The following ANXA8 variants were observed in gnomAD, a reference collection of about 807,000 sequenced individuals.
ANXA8 encodes the protein VAC-beta.
Under a neutral mutation model 26.8 loss-of-function variants are expected in ANXA8, and 9 were observed. The observed-to-expected ratio is 0.34, with a 90% CI of 0.20 to 0.59. The LOEUF (loss-of-function observed/expected upper bound fraction) is 0.59. Among genes scored for constraint, ANXA8 ranks in the 20% least tolerant of loss-of-function variants. The probability of loss-of-function intolerance (pLI) is 0.84; values close to 1 mark genes in which losing one functional copy is unlikely to be tolerated. For missense variants in ANXA8, 83 were observed against 238.5 expected, an observed-to-expected ratio of 0.35 and a Z score of 4.29; for synonymous variants, 39 against 94.8, an observed-to-expected ratio of 0.41 and a Z score of 3.42.
chr10:47,746,570 C>T, the ANXA8 span, among the ~76,000 whole-genome samples: 7 of 73,704 alleles, frequency 9.5e-5, no homozygotes, highest in Non-Finnish European at 1.3e-4. Context: ...CCCAGCTACT[C>T]AGGAGACTGA....
intron 6 of ANXA8, 48 bp from the exon 7 acceptor site, chr10:47,475,052 C>A: frequency 6.5e-7 from 1 of 1,528,382 alleles, no homozygotes; most frequent in South Asian, 1.2e-5. Context: ...CTGACCAGAG[C>A]ATTAAGGGCA....
chr10:47,650,624 G>A, the ANXA8 span, among the ~76,000 whole-genome samples: 1 of 144,632 alleles, frequency 6.9e-6, no homozygotes, highest in Non-Finnish European at 1.5e-5. Context: ...GGCTAACATG[G>A]TGAAACCCCG....
the ANXA8 span, among the ~76,000 whole-genome samples, chr10:47,982,421 T>G: frequency 6.7e-6 from 1 of 150,168 alleles, no homozygotes; most frequent in African/African-American, 2.4e-5. Context: ...AACCTTCACA[T>G]TTATGGTTAA....
the ANXA8 span, among the ~76,000 whole-genome samples, chr10:47,743,390 G>GTA: frequency 1.3e-5 from 1 of 77,844 alleles, no homozygotes; most frequent in African/African-American, 4.3e-5. Flanking sequence ...GTGTGTGTGT[G>GTA]TGTGTGTGTG....
chr10:47,570,640 A>G, the ANXA8 span, among the ~76,000 whole-genome samples: 2 of 150,206 alleles, frequency 1.3e-5, no homozygotes, highest in African/African-American at 5.0e-5. Flanking sequence ...ATGTTATCCA[A>G]GCGTGATGGT....
chr10:47,701,701 C>CCAGAAA, the ANXA8 span, among the ~76,000 whole-genome samples: 6 of 151,442 alleles, frequency 4.0e-5, no homozygotes, highest in African/African-American at 1.5e-4. Flanking sequence ...GAAGGATAAA[C>CCAGAAA]CAGAAACTAA....
At chr10:47,966,103 T>G in the ANXA8 span, among the ~76,000 whole-genome samples, 1 of 139,120 alleles carries the variant, frequency 7.2e-6, no homozygotes, top group Non-Finnish European at 1.6e-5. Context: ...AGTGGGAGAG[T>G]GAGAAGCCCC....
chr10:47,669,602 C>A, the ANXA8 span, among the ~76,000 whole-genome samples: 1 of 151,642 alleles, frequency 6.6e-6, no homozygotes, highest in African/African-American at 2.4e-5. Context: ...GTGGTCCCAG[C>A]TACTTGGGAG....
At chr10:47,941,854 T>A in the ANXA8 span, among the ~76,000 whole-genome samples, 2 of 147,518 alleles carry the variant, frequency 1.4e-5, 1 homozygote, top group African/African-American at 5.2e-5. Context: ...GTGGAGAAGC[T>A]CAGAGCTGAC....
At chr10:47,907,172 G>A in the ANXA8 span, among the ~76,000 whole-genome samples, 16 of 151,760 alleles carry the variant, frequency 1.1e-4, 1 homozygote, top group African/African-American at 3.1e-4. Flanking sequence ...TGGCTAACAC[G>A]GTGAAACCCC....
At chr10:47,916,558 A>G in the ANXA8 span, among the ~76,000 whole-genome samples, 14 of 130,530 alleles carry the variant, frequency 1.1e-4, no homozygotes, top group African/African-American at 3.4e-4. Context: ...AAGACACTCT[A>G]CTTCTTTGAG....
At chr10:47,561,530 C>A in the ANXA8 span, among the ~76,000 whole-genome samples, 1 of 151,900 alleles carries the variant, frequency 6.6e-6, no homozygotes, top group Non-Finnish European at 1.5e-5. Context: ...TCACCCCCAT[C>A]CCCAATGTTG....
At chr10:47,918,371 G>GAAA in the ANXA8 span, among the ~76,000 whole-genome samples, 9 of 18,788 alleles carry the variant, frequency 4.8e-4, no homozygotes, top group African/African-American at 1.8e-3. Flanking sequence ...GAGAGAGAGA[G>GAAA]AGAGAGAGAG....
chr10:47,686,452 T>C, the ANXA8 span, among the ~76,000 whole-genome samples: 1 of 151,836 alleles, frequency 6.6e-6, no homozygotes, highest in Non-Finnish European at 1.5e-5. Context: ...CCTCAGGTGA[T>C]CCACCTGCCT....
At chr10:47,937,923 C>A in the ANXA8 span, among the ~76,000 whole-genome samples, 3 of 125,994 alleles carry the variant, frequency 2.4e-5, no homozygotes, top group African/African-American at 5.8e-5. Flanking sequence ...ATCCAATCTA[C>A]CATTGATGGG....
upstream of ANXA8, among the ~76,000 whole-genome samples, chr10:47,489,110 C>T (rs1475421893): frequency 6.6e-6 from 1 of 150,446 alleles, no homozygotes; most frequent in Non-Finnish European, 1.5e-5. Flanking sequence ...CTCTGCCTCC[C>T]AGGTACACAC....
At chr10:47,489,320 G>A in the ANXA8 span, among the ~76,000 whole-genome samples, 1 of 147,318 alleles carries the variant, frequency 6.8e-6, no homozygotes. Flanking sequence ...ACCCTGCCAT[G>A]TTAAATGTTT....
chr10:47,722,969 G>A, the ANXA8 span, among the ~76,000 whole-genome samples: 1 of 137,498 alleles, frequency 7.3e-6, no homozygotes, highest in Admixed American at 7.5e-5. Flanking sequence ...GAGAGCACAG[G>A]TACATTGCAA....
the ANXA8 span, among the ~76,000 whole-genome samples, chr10:47,954,428 G>A: frequency 2.2e-4 from 33 of 151,062 alleles, no homozygotes; most frequent in Non-Finnish European, 2.8e-4. Context: ...GGGAAATGGA[G>A]ATGGTTAATG....
Sources: allele counts gnomAD v4.1 joint callset (sites outside exome capture counted in the v4.1 genomes callset), GRCh38; gene constraint gnomAD v4.1.1; transcripts MANE v1.5; gene names NCBI Gene and HGNC (gene_info 2026-07-23, HGNC 2026-07-21).